GAP43: variants seen among roughly 807,000 people sequenced by gnomAD.
GAP43 encodes the protein growth associated protein 43.
A neutral mutation model predicts 18.6 loss-of-function variants in GAP43; 6 were observed. That is an observed-to-expected ratio of 0.32 (90% CI 0.18 to 0.64). The LOEUF (loss-of-function observed/expected upper bound fraction) is 0.64. Among genes scored for constraint, GAP43 ranks in the 30% least tolerant of loss-of-function variants. The pLI is 0.78. For missense variants in GAP43, 292 were observed against 295.5 expected (o/e 0.99, Z 0.09); for synonymous variants, 115 against 111.4 (o/e 1.03, Z -0.20).
intron 2 of GAP43, among the ~76,000 whole-genome samples, chr3:115,713,308 A>G (rs965272822): frequency 2.6e-5 from 4 of 152,226 alleles, no homozygotes; most frequent in Non-Finnish European, 5.9e-5. Context: ...GCATGGCCCC[A>G]GGATGATAGC....
intron 1 of GAP43, among the ~76,000 whole-genome samples, chr3:115,641,114 C>T (rs1400247179): frequency 6.6e-6 from 1 of 150,910 alleles, no homozygotes; most frequent in African/African-American, 2.4e-5. Flanking sequence ...ATCCTCCTGC[C>T]TTGGCCTTCC....
chr3:115,638,708 G>C (rs1342623852), intron 1 of GAP43, among the ~76,000 whole-genome samples: 1 of 151,568 alleles, frequency 6.6e-6, no homozygotes, highest in Non-Finnish European at 1.5e-5. Flanking sequence ...TCTAAACACT[G>C]TTCCTTTTGT....
intron 2 of GAP43, among the ~76,000 whole-genome samples, chr3:115,683,101 TTTC>T (rs533391629): frequency 1.3e-3 from 201 of 150,694 alleles, no homozygotes; most frequent in African/African-American, 4.7e-3. Context: ...ATAAAATATT[TTTC>T]TTTTTTCTCT....
At chr3:115,676,683 T>C (rs1382510396) in intron 2 of GAP43, 73 bp downstream of exon 2, 2 of 1,405,112 alleles carry the variant, frequency 1.4e-6, no homozygotes, top group Non-Finnish European at 1.9e-6. Flanking sequence ...CCAGGCCACC[T>C]GGGTCATTGA....
chr3:115,698,282 A>ATAT (rs1345162932), intron 2 of GAP43, among the ~76,000 whole-genome samples: 3 of 1,428 alleles, frequency 2.1e-3, no homozygotes, highest in Admixed American at 0.026. Flanking sequence ...ATTATATATA[A>ATAT]ATATAATATA....
intron 2 of GAP43, among the ~76,000 whole-genome samples, chr3:115,698,189 A>ATATAAAATATATAATATAT (rs373151172): frequency 9.7e-5 from 1 of 10,274 alleles, no homozygotes; most frequent in Non-Finnish European, 2.5e-4. Context: ...TATATATATT[A>ATATAAAATATATAATATAT]AATATATATT....
intron 2 of GAP43, among the ~76,000 whole-genome samples, chr3:115,685,941 A>G (rs1347906255): frequency 6.6e-6 from 1 of 152,226 alleles, no homozygotes; most frequent in African/African-American, 2.4e-5. Flanking sequence ...ACCATTCATT[A>G]TGATTTTATC....
intron 2 of GAP43, among the ~76,000 whole-genome samples, chr3:115,691,985 A>G (rs1254636754): frequency 2.0e-5 from 3 of 152,214 alleles, no homozygotes; most frequent in Non-Finnish European, 4.4e-5. Context: ...ACCTAAAAGG[A>G]AACTTAAAAA....
chr3:115,683,139 G>GCACA (rs1247509041), intron 2 of GAP43, among the ~76,000 whole-genome samples: 101 of 126,184 alleles, frequency 8.0e-4, no homozygotes, highest in African/African-American at 2.6e-3. Flanking sequence ...GCGCGTGCGC[G>GCACA]CGCGCGCGCA....
chr3:115,709,864 TAC>T (rs1553725403), intron 2 of GAP43, among the ~76,000 whole-genome samples: 1 of 130,974 alleles, frequency 7.6e-6, no homozygotes, highest in African/African-American at 2.7e-5. Context: ...TATATATATA[TAC>T]ACACACATGA....
chr3:115,673,948 T>G (rs1708845802), intron 1 of GAP43, among the ~76,000 whole-genome samples: 1 of 152,254 alleles, frequency 6.6e-6, no homozygotes, highest in East Asian at 1.9e-4. Context: ...TAGCTCATTT[T>G]CAAAAATACT....
intron 1 of GAP43, among the ~76,000 whole-genome samples, chr3:115,633,886 T>C (rs898523907): frequency 6.6e-6 from 1 of 152,200 alleles, no homozygotes; most frequent in Non-Finnish European, 1.5e-5. Context: ...AACAGCTCAA[T>C]TGGATTTATA....
At chr3:115,634,358 G>T (rs561989816) in intron 1 of GAP43, among the ~76,000 whole-genome samples, 72 of 152,048 alleles carry the variant, frequency 4.7e-4, no homozygotes, top group Admixed American at 1.3e-3. Flanking sequence ...TATAAGCTGA[G>T]AATTAAATTC....
chr3:115,673,712 T>A (rs13097141), intron 1 of GAP43, among the ~76,000 whole-genome samples: 66,316 of 152,060 alleles, frequency 0.44, 15,151 homozygotes, highest in Admixed American at 0.55. Flanking sequence ...CATTGGGCTG[T>A]GCTCATCCCA....
chr3:115,674,759 A>G (rs1708859558), intron 1 of GAP43, among the ~76,000 whole-genome samples: 1 of 152,312 alleles, frequency 6.6e-6, no homozygotes, highest in Non-Finnish European at 1.5e-5. Flanking sequence ...AGAAAGTTAG[A>G]CATTATTTTG....
chr3:115,690,216 A>ACCCCCCCCCCCCCCCCCCCCCCCCCCC (rs150800461), intron 2 of GAP43, among the ~76,000 whole-genome samples: 1 of 137,378 alleles, frequency 7.3e-6, no homozygotes, highest in African/African-American at 2.7e-5. Flanking sequence ...CCTAGGAGAG[A>ACCCCCCCCCCCCCCCCCCCCCCCCCCC]CCCCCCCGCC....
At chr3:115,663,651 C>T (rs759123607) in intron 1 of GAP43, 1 of 1,428,426 alleles carries the variant, frequency 7.0e-7, no homozygotes, top group East Asian at 2.6e-5. Flanking sequence ...TCAGCCCTTG[C>T]TTAAAAAATT....
Position 115,623,598 on chromosome 3 carries a change from A to G in GAP43, c.-92A>G, listed in dbSNP as rs1708141606. The stretch of plus-strand genomic sequence containing the variant: ...CGCTAGCGCGAGAGAGCGAGTGAGC[A>G]AGCGAGCAGAAAAGAGGTGGAGAGG... On this transcript the variant is annotated 5_prime_UTR_variant, in exon 1 of 3. Coordinates refer to ENST00000305124, the MANE Select transcript of GAP43 (RefSeq NM_002045.4). The G allele has an allele frequency of 7.8e-6, 12 of 1,529,304 alleles. No individual in the cohort carries two copies. Among genetic ancestry groups the G allele is most frequent in the African/African-American group, 1.4e-5 (1 of 72,976 alleles). 94.7% of individuals were successfully genotyped at this position (1,529,304 alleles called of 1,614,324 possible). A position where few individuals can be genotyped will look rare whatever the true frequency, so the allele number is the denominator to read the frequency against.
At chr3:115,698,073 T>A (rs1399290676) in intron 2 of GAP43, among the ~76,000 whole-genome samples, 2 of 51,294 alleles carry the variant, frequency 3.9e-5, no homozygotes, top group Non-Finnish European at 6.8e-5. Flanking sequence ...ATATTATATA[T>A]AATATATAAA....
Sources: allele counts gnomAD v4.1 joint callset (sites outside exome capture counted in the v4.1 genomes callset), GRCh38; gene constraint gnomAD v4.1.1; transcripts MANE v1.5; gene names NCBI Gene and HGNC (gene_info 2026-07-23, HGNC 2026-07-21).